The following VPS36 variants were observed in gnomAD, a reference collection of about 807,000 sequenced individuals.
The protein encoded by VPS36 is vacuolar protein-sorting-associated protein 36.
VPS36 carries 31 observed loss-of-function variants against 63.5 expected under a neutral mutation model. The observed-to-expected ratio is 0.49, with a 90% confidence interval of 0.37 to 0.66. VPS36 has a LOEUF of 0.66. Ranked by LOEUF, VPS36 falls within the 30% of genes least tolerant of loss-of-function variation. The probability of loss-of-function intolerance (pLI) is 0.00; values close to 1 mark genes in which losing one functional copy is unlikely to be tolerated. For synonymous variants in VPS36, 138 were observed against 157.2 expected (o/e 0.88, Z 0.91); for missense variants, 338 against 463.7 (o/e 0.73, Z 2.49).
chr13:52,448,581 A>C (rs1237366543), intron 1 of VPS36, among the ~76,000 whole-genome samples: 2 of 152,244 alleles, frequency 1.3e-5, no homozygotes, highest in East Asian at 3.8e-4. Context: ...TTTGTTTCTT[A>C]AACCTCTGAC....
chr13:52,414,417 G>A lies in VPS36; in HGVS notation c.*1413C>T, dbSNP rs1957974759. ...ACAGGTTTGGAAAACAAAAACTAAA[G>A]TGGGATGTCTCAGGCACAGCATTCC... is the stretch of plus-strand genomic sequence containing the variant. On this transcript the variant is annotated 3_prime_UTR_variant, in exon 14 of 14. Transcript: ENST00000378060. 6.6e-6 allele frequency: 1 copy of A among 152,260 alleles called. No homozygotes were observed. The highest frequency in any genetic ancestry group is 2.4e-5 in the African/African-American group (1 of 41,466). The allele number at this position is 152,260 out of a possible 1,614,324, so 9.4% of individuals were successfully genotyped here. A position where few individuals can be genotyped will look rare whatever the true frequency, so the allele number is the denominator to read the frequency against.
At chr13:52,425,848 A>T in intron 9 of VPS36, 84 bp downstream of exon 9, 1 of 1,382,212 alleles carries the variant, frequency 7.2e-7, no homozygotes, top group Non-Finnish European at 9.6e-7. Flanking sequence ...TATCATGAAA[A>T]TAGTTATGCT....
At chr13:52,443,507 G>A (rs1469351448) in intron 1 of VPS36, among the ~76,000 whole-genome samples, 1 of 152,120 alleles carries the variant, frequency 6.6e-6, no homozygotes, top group Admixed American at 6.6e-5. Context: ...ACAGGGAAAT[G>A]GTGGCCATCT....
At chr13:52,437,330 CTTT>C (rs1043972482) in intron 3 of VPS36, among the ~76,000 whole-genome samples, 3 of 152,118 alleles carry the variant, frequency 2.0e-5, no homozygotes, top group Non-Finnish European at 2.9e-5. Context: ...TGGTAAACTT[CTTT>C]AAGTGAAGTG....
intron 1 of VPS36, among the ~76,000 whole-genome samples, chr13:52,448,682 C>G (rs1958369416): frequency 6.6e-6 from 1 of 152,206 alleles, no homozygotes; most frequent in Non-Finnish European, 1.5e-5. Context: ...TCATATAAAA[C>G]TACTAATGGT....
rs895681348 is a variant in VPS36, at chr13:52,450,425, C to T, written c.96+74G>A. The T allele has an allele frequency of 2.1e-6, 3 of 1,458,654 alleles. No homozygotes were observed. The African/African-American group carries it at 4.4e-5, about 22-fold the overall frequency. 90.4% of individuals were successfully genotyped at this position (1,458,654 alleles called of 1,614,324 possible). On this transcript the variant is annotated intron_variant, in intron 1 of 13. Transcript: ENST00000378060. ...GGGACCGGGCCGCGCCGACCCGGGC[C>T]GCGCTGAGCCGGGCCGCGCGCCCAC...
intron 8 of VPS36, among the ~76,000 whole-genome samples, chr13:52,426,480 C>CA (rs1441135080): frequency 1.3e-5 from 2 of 152,014 alleles, no homozygotes; most frequent in South Asian, 2.1e-4. Context: ...TTCTACACTC[C>CA]AAAAAAAGGC....
chr13:52,417,261 C>A (rs1431835875), intron 11 of VPS36, 120 bp from the exon 12 acceptor site: 15 of 755,692 alleles, frequency 2.0e-5, no homozygotes, highest in Non-Finnish European at 2.7e-5. Flanking sequence ...TTAAACAAAA[C>A]AACATTTAAA....
At chr13:52,443,478 CAA>C (rs1295346728) in intron 1 of VPS36, among the ~76,000 whole-genome samples, 2 of 152,048 alleles carry the variant, frequency 1.3e-5, no homozygotes, top group African/African-American at 4.8e-5. Flanking sequence ...CACGTGCTGA[CAA>C]AAGACCATGC....
chr13:52,448,808 T>C (rs1347432188), intron 1 of VPS36, among the ~76,000 whole-genome samples: 3 of 152,208 alleles, frequency 2.0e-5, no homozygotes, highest in Non-Finnish European at 2.9e-5. Flanking sequence ...TGCAAAAGCA[T>C]GACTTCCTAG....
chr13:52,446,079 T>C lies in VPS36; in HGVS notation c.97-3634A>G, dbSNP rs1594125763. 2.1e-5 allele frequency among the ~76,000 whole-genome samples: 3 copies of C among 141,078 alleles called. 1 individual carries two copies. In the Admixed American group the frequency reaches 2.2e-4, roughly 10 times the overall value. The allele number at this position is 141,078 out of a possible 152,430, so 92.6% of individuals were successfully genotyped here. ...GCCTGACCAACATGGTGAAACCCCG[T>C]CTCTACTAAAAATAAAAAATAAAAA... On this transcript the variant is annotated intron_variant, in intron 1 of 13. Coordinates refer to ENST00000378060, the MANE Select transcript of VPS36 (RefSeq NM_016075.4).
At chr13:52,441,739 G>A (rs1431977901) in intron 2 of VPS36, among the ~76,000 whole-genome samples, 2 of 151,888 alleles carry the variant, frequency 1.3e-5, no homozygotes, top group Non-Finnish European at 2.9e-5. Flanking sequence ...GCGAAAGAGC[G>A]AGACTCCATC....
chr13:52,429,234 A>G, intron 6 of VPS36: 1 of 984,690 alleles, frequency 1.0e-6, no homozygotes. Context: ...TTTCTTACTT[A>G]CTTTTAGTTA....
intron 1 of VPS36, among the ~76,000 whole-genome samples, chr13:52,444,837 T>TA (rs919994007): frequency 3.9e-5 from 6 of 152,120 alleles, no homozygotes; most frequent in African/African-American, 1.2e-4. Context: ...GTCTAATAAA[T>TA]AAAAAAATCG....
intron 4 of VPS36, 26 bp from the exon 5 acceptor site, chr13:52,434,908 A>C (rs1031979887): frequency 2.5e-6 from 4 of 1,586,714 alleles, no homozygotes; most frequent in Non-Finnish European, 2.6e-6. Context: ...ATACACTTTA[A>C]ATGACTCAGT....
In VPS36 at chr13:52,414,956, T is replaced by C. The variant is rs1014066088; in HGVS notation, c.*874A>G. 1.3e-5 allele frequency: 2 copies of C among 152,260 alleles called. No individual in the cohort carries two copies. The highest frequency in any genetic ancestry group is 1.3e-4 in the Admixed American group (2 of 15,288). 9.4% of individuals were successfully genotyped at this position (152,260 alleles called of 1,614,324 possible). On this transcript the variant is annotated 3_prime_UTR_variant, in exon 14 of 14. Transcript: ENST00000378060. Reference sequence around the variant, plus strand: ...AAAATATTGCTGGAATATGATAGACTTTTTAAAGTTCAGTGTTGAAACTCC... The same window carrying C: ...AAAATATTGCTGGAATATGATAGACCTTTTAAAGTTCAGTGTTGAAACTCC...
chr13:52,425,700 A>G (rs1028278200), intron 9 of VPS36: 1 of 379,548 alleles, frequency 2.6e-6, no homozygotes, highest in African/African-American at 2.1e-5. Context: ...AAAACTTCAT[A>G]TCAAATAGAT....
At chr13:52,449,053 C>G (rs1359088406) in intron 1 of VPS36, among the ~76,000 whole-genome samples, 1 of 152,162 alleles carries the variant, frequency 6.6e-6, no homozygotes, top group Admixed American at 6.5e-5. Flanking sequence ...GTTAAAGTGC[C>G]AAGGCAGGCT....
At chr13:52,429,142 G>T in intron 6 of VPS36, 1 of 464,906 alleles carries the variant, frequency 2.2e-6, no homozygotes, top group Admixed American at 6.4e-5. Flanking sequence ...CACACCTATA[G>T]TCAAATTTCC....
Sources: allele counts gnomAD v4.1 joint callset (sites outside exome capture counted in the v4.1 genomes callset), GRCh38; gene constraint gnomAD v4.1.1; transcripts MANE v1.5; gene names NCBI Gene and HGNC (gene_info 2026-07-23, HGNC 2026-07-21).